The following NTM variants were observed in gnomAD, a reference collection of about 807,000 sequenced individuals.
NTM encodes the protein neurotrimin.
In NTM, 13 loss-of-function variants were observed where a neutral mutation model predicts 42.1. The ratio of observed to expected loss-of-function variants is 0.31; its 90% CI spans 0.20 to 0.49. The LOEUF (loss-of-function observed/expected upper bound fraction) is 0.49, where lower values mean the gene tolerates loss of function less well. Ranked by LOEUF, NTM falls within the 20% of genes least tolerant of loss-of-function variation. NTM has a pLI of 0.99. For missense variants in NTM, 373 were observed against 452.8 expected (o/e 0.82, Z 1.60); for synonymous variants, 187 against 179.2 (o/e 1.04, Z -0.35).
At chr11:132,262,279 C>A (rs191746214) in intron 4 of NTM, among the ~76,000 whole-genome samples, 40 of 152,312 alleles carry the variant, frequency 2.6e-4, no homozygotes, top group African/African-American at 8.4e-4. Context: ...GGCCTTTTGG[C>A]TCCTTCTCCC....
intron 2 of NTM, among the ~76,000 whole-genome samples, chr11:132,114,718 C>A (rs1376280373): frequency 2.0e-5 from 3 of 152,152 alleles, no homozygotes; most frequent in African/African-American, 7.2e-5. Context: ...CAAGTTTAGC[C>A]TCTTTAAGAT....
intron 1 of NTM, among the ~76,000 whole-genome samples, chr11:131,901,700 A>G (rs928837117): frequency 7.2e-5 from 11 of 152,146 alleles, no homozygotes; most frequent in Admixed American, 2.0e-4. Flanking sequence ...TCTAAAAGGT[A>G]TCTGTGATCC....
intron 2 of NTM, among the ~76,000 whole-genome samples, chr11:131,968,041 C>T (rs115632961): frequency 0.01 from 1,593 of 152,208 alleles, 16 homozygotes; most frequent in Middle Eastern, 0.017. Flanking sequence ...TAAATAAATG[C>T]GAAACCATGT....
At chr11:131,665,508 G>T (rs1252716686) in intron 1 of NTM, among the ~76,000 whole-genome samples, 3 of 152,172 alleles carry the variant, frequency 2.0e-5, no homozygotes. Context: ...AATCCAATAT[G>T]ACGAATGTCC....
chr11:131,558,910 T>C (rs2055830634), intron 1 of NTM, among the ~76,000 whole-genome samples: 1 of 152,168 alleles, frequency 6.6e-6, no homozygotes, highest in African/African-American at 2.4e-5. Context: ...CTCACGCTGA[T>C]CTCAGAAAAT....
At chr11:131,575,943 A>C (rs949687721) in intron 1 of NTM, among the ~76,000 whole-genome samples, 1 of 152,244 alleles carries the variant, frequency 6.6e-6, no homozygotes, top group Non-Finnish European at 1.5e-5. Flanking sequence ...TGCGTCTTCT[A>C]ATACCAGGGT....
chr11:132,174,474 A>T (rs1050853342), intron 3 of NTM, among the ~76,000 whole-genome samples: 1 of 152,194 alleles, frequency 6.6e-6, no homozygotes, highest in South Asian at 2.1e-4. Flanking sequence ...AACAGAATCG[A>T]TGCTAGTGCA....
chr11:131,752,892 G>T (rs1298218445), intron 1 of NTM, among the ~76,000 whole-genome samples: 1 of 152,102 alleles, frequency 6.6e-6, no homozygotes, highest in Non-Finnish European at 1.5e-5. Context: ...TGACAAATGG[G>T]ATCTAATTAA....
At chr11:131,640,741 C>T (rs959186525) in intron 1 of NTM, among the ~76,000 whole-genome samples, 8 of 152,306 alleles carry the variant, frequency 5.3e-5, no homozygotes, top group African/African-American at 1.9e-4. Context: ...GTCCCACCCA[C>T]TCTAAAACTA....
chr11:131,795,032 T>A (rs2091399247), intron 1 of NTM: 1 of 978,248 alleles, frequency 1.0e-6, no homozygotes, highest in Admixed American at 6.1e-5. Flanking sequence ...CTGGACCCTG[T>A]AGCCAAAGGG....
intron 1 of NTM, among the ~76,000 whole-genome samples, chr11:131,879,124 G>A (rs1041547678): frequency 1.3e-5 from 2 of 152,096 alleles, no homozygotes; most frequent in African/African-American, 4.8e-5. Context: ...CTTCAATCCA[G>A]AGCAGTTCCT....
intron 1 of NTM, among the ~76,000 whole-genome samples, chr11:131,779,010 C>A (rs2087568861): frequency 6.6e-6 from 1 of 152,194 alleles, no homozygotes; most frequent in African/African-American, 2.4e-5. Context: ...GTCAGTGAGG[C>A]AAAATCCTTC....
chr11:131,877,822 T>C (rs1221124629), intron 1 of NTM: 1 of 152,182 alleles, frequency 6.6e-6, no homozygotes, highest in East Asian at 1.9e-4. Context: ...AGAGTCTCCT[T>C]TGGAGTCAGG....
intron 1 of NTM, among the ~76,000 whole-genome samples, chr11:131,413,367 A>G (rs564168316): frequency 6.6e-6 from 1 of 152,232 alleles, no homozygotes; most frequent in South Asian, 2.1e-4. Context: ...TGCTTTCTGG[A>G]GCGCCAGCCC....
At chr11:131,912,496 C>T (rs749215123) in intron 2 of NTM, among the ~76,000 whole-genome samples, 8 of 152,110 alleles carry the variant, frequency 5.3e-5, no homozygotes, top group African/African-American at 7.2e-5. Flanking sequence ...CCTGCAGAAA[C>T]GCTAACTGAA....
chr11:132,130,885 G>A (rs1053876969), intron 2 of NTM, among the ~76,000 whole-genome samples: 1 of 152,172 alleles, frequency 6.6e-6, no homozygotes, highest in African/African-American at 2.4e-5. Context: ...AAAGGAAACC[G>A]AGGCCCAGGG....
At chr11:131,981,998 C>A (rs186010482) in intron 2 of NTM, among the ~76,000 whole-genome samples, 9 of 151,520 alleles carry the variant, frequency 5.9e-5, no homozygotes, top group African/African-American at 2.2e-4. Context: ...GGTGACAGAG[C>A]GGGACTCCAT....
intron 1 of NTM, among the ~76,000 whole-genome samples, chr11:131,778,939 C>G (rs533740601): frequency 6.6e-6 from 1 of 152,350 alleles, no homozygotes; most frequent in African/African-American, 2.4e-5. Flanking sequence ...GGGATAGTCA[C>G]CCCTGTGATT....
chr11:131,933,629 T>G (rs2090084123), intron 2 of NTM, among the ~76,000 whole-genome samples: 3 of 152,128 alleles, frequency 2.0e-5, no homozygotes, highest in South Asian at 2.1e-4. Context: ...TCACAAAGTT[T>G]TATTAAGTTA....
Sources: allele counts gnomAD v4.1 joint callset (sites outside exome capture counted in the v4.1 genomes callset), GRCh38; gene constraint gnomAD v4.1.1; transcripts MANE v1.5; gene names NCBI Gene and HGNC (gene_info 2026-07-23, HGNC 2026-07-21).